MSH4: variants seen among roughly 807,000 people sequenced by gnomAD.
MSH4 encodes mutS protein homolog 4.
Under a neutral mutation model 113.7 loss-of-function variants are expected in MSH4, and 106 were observed. That is an observed-to-expected ratio of 0.93 (90% CI 0.80 to 1.10). The LOEUF is 1.10. Among genes scored for constraint, MSH4 ranks in the 50% least tolerant of loss-of-function variants. The pLI, the probability that MSH4 is intolerant of heterozygous loss-of-function variation, is 0.00. For synonymous variants in MSH4, 368 were observed against 380.2 expected, an observed-to-expected ratio of 0.97 and a Z score of 0.37; for missense variants, 1,061 against 1,093.7, an observed-to-expected ratio of 0.97 and a Z score of 0.42.
chr1:75,889,239 T>C lies in MSH4; in HGVS notation c.2108-12T>C, dbSNP rs745410717. The C allele has an allele frequency of 1.7e-6, 2 of 1,190,556 alleles. No individual in the cohort carries two copies. The highest frequency in any genetic ancestry group is 4.0e-5 in the Admixed American group (2 of 50,102). The allele number at this position is 1,190,556 out of a possible 1,614,324, so 73.7% of individuals were successfully genotyped here. A position where few individuals can be genotyped will look rare whatever the true frequency, so the allele number is the denominator to read the frequency against. The stretch of plus-strand genomic sequence containing the variant: ...AACACATTTCAGTTTATCTTGACCT[T>C]ATATTTTACAGGATCATATGTTCCA... On this transcript the variant is annotated splice_polypyrimidine_tract_variant and intron_variant, in intron 15 of 19. Transcript: ENST00000263187.
At chr1:75,809,412 T>C (rs189201610) in intron 3 of MSH4, among the ~76,000 whole-genome samples, 124 of 152,226 alleles carry the variant, frequency 8.1e-4, no homozygotes, top group Non-Finnish European at 1.5e-3. Flanking sequence ...AGGTATTTTA[T>C]ACATTTTTAC....
At chr1:75,818,821 G>T (rs1008710619) in intron 6 of MSH4, among the ~76,000 whole-genome samples, 1 of 152,082 alleles carries the variant, frequency 6.6e-6, no homozygotes, top group Non-Finnish European at 1.5e-5. Context: ...GGAGTGCAGT[G>T]GTGCAATCTT....
At chr1:75,840,596 C>T (rs1190494630) in intron 7 of MSH4, among the ~76,000 whole-genome samples, 1 of 148,376 alleles carries the variant, frequency 6.7e-6, no homozygotes. Context: ...TGCAGCACAC[C>T]AGCATGGTAC....
intron 9 of MSH4, among the ~76,000 whole-genome samples, chr1:75,871,761 A>C (rs1173330466): frequency 6.6e-6 from 1 of 152,220 alleles, no homozygotes; most frequent in African/African-American, 2.4e-5. Flanking sequence ...TTTCAGAAAC[A>C]TTGGCCAATA....
At chr1:75,823,722 C>A (rs971478312) in intron 7 of MSH4, among the ~76,000 whole-genome samples, 4 of 152,120 alleles carry the variant, frequency 2.6e-5, no homozygotes, top group Admixed American at 2.6e-4. Flanking sequence ...TGAAAACATG[C>A]AGTGTTTGGT....
At position 75,898,007 on chromosome 1, in the gene MSH4, A is replaced by C. The variant is rs753207447; in HGVS notation, c.2456A>C (p.Asn819Thr). 6.2e-7 allele frequency: 1 copy of C among 1,607,904 alleles called. No individual in the cohort carries two copies. Among genetic ancestry groups the C allele is most frequent in the South Asian group, 1.1e-5 (1 of 89,602 alleles). Residue 819 changes from asparagine (N) to threonine (T), a missense_variant, in exon 18 of 20, where the codon AAT becomes ACT. Physicochemically the swap from Asn to Thr is moderately conservative, Grantham distance 65. Coordinates refer to ENST00000263187, the MANE Select transcript of MSH4 (RefSeq NM_002440.4). The part of the protein sequence containing the change: ...NMHFEVQHVK[N>T]TSRNKEAILY... ...CATTTTGAAGTTCAACATGTAAAGA[A>C]TACCTCAAGAAATAAAGAAGCAATT...
At position 75,816,619 on chromosome 1, in the gene MSH4, G is replaced by C. The variant is rs548588482; in HGVS notation, c.989+73G>C. 1.6e-5 allele frequency: 15 copies of C among 955,386 alleles called. 1 individual carries two copies. In the South Asian group the frequency reaches 2.8e-4, roughly 18 times the overall value. The allele number at this position is 955,386 out of a possible 1,614,324, so 59.2% of individuals were successfully genotyped here. On this transcript the variant is annotated intron_variant, in intron 6 of 19. Transcript: ENST00000263187. ...TTTTTCTATTAATGGTAACTTTAAA[G>C]TTCTTTTTTTCTTTTTTAAATTTTG...
In MSH4 at chr1:75,822,416, C is replaced by T. The variant is rs757958267; in HGVS notation, c.997C>T (p.His333Tyr). ...LINNQDYRNN[H>Y]TLFGVLNYTK... Reference sequence around the variant, plus strand: ...TTTCTTGTGTTTTGAAAGGAATAATCACACTCTCTTTGGTGTTCTAAATTA... The same window carrying T: ...TTTCTTGTGTTTTGAAAGGAATAATTACACTCTCTTTGGTGTTCTAAATTA... Residue 333 changes from histidine (H) to tyrosine (Y), a missense_variant, in exon 7 of 20, where the codon CAC becomes TAC. Coordinates refer to ENST00000263187, the MANE Select transcript of MSH4 (RefSeq NM_002440.4). 5.8e-6 allele frequency: 9 copies of T among 1,546,304 alleles called. No individual in the cohort carries two copies. Among genetic ancestry groups the T allele is most frequent in the Non-Finnish European group, 7.8e-6 (9 of 1,154,862 alleles).
At chr1:75,854,268 G>A (rs1173120709) in intron 8 of MSH4, among the ~76,000 whole-genome samples, 3 of 151,610 alleles carry the variant, frequency 2.0e-5, no homozygotes, top group Admixed American at 2.0e-4. Context: ...ATATATTCAG[G>A]AGGAATACCA....
At chr1:75,879,848 G>A (rs1651892708) in intron 12 of MSH4, among the ~76,000 whole-genome samples, 1 of 152,102 alleles carries the variant, frequency 6.6e-6, no homozygotes, top group Admixed American at 6.6e-5. Context: ...AAAAATGAAT[G>A]TATGGGTTAA....
chr1:75,816,569 T>TACAA, intron 6 of MSH4, 23 bp downstream of exon 6: 9 of 1,340,180 alleles, frequency 6.7e-6, no homozygotes, highest in Non-Finnish European at 8.2e-6. Context: ...ATTTTATTTG[T>TACAA]ATAAAATATA....
At chr1:75,813,433 G>C (rs529187089) in intron 4 of MSH4, among the ~76,000 whole-genome samples, 14 of 152,314 alleles carry the variant, frequency 9.2e-5, no homozygotes, top group Admixed American at 3.3e-4. Flanking sequence ...CCCGGTTTCA[G>C]ATCTTGACTC....
intron 7 of MSH4, among the ~76,000 whole-genome samples, chr1:75,830,182 G>A (rs1450856561): frequency 6.6e-6 from 1 of 152,018 alleles, no homozygotes; most frequent in Non-Finnish European, 1.5e-5. Flanking sequence ...TGGAAGAAAG[G>A]CTATCAGTGA....
intron 9 of MSH4, among the ~76,000 whole-genome samples, chr1:75,868,646 G>A (rs1174925412): frequency 6.6e-6 from 1 of 152,168 alleles, no homozygotes; most frequent in Non-Finnish European, 1.5e-5. Context: ...CAAGGGCGGG[G>A]ACTGGTGGAG....
chr1:75,885,023 A>ATGTGTG (rs764938661), intron 15 of MSH4, among the ~76,000 whole-genome samples: 86 of 122,194 alleles, frequency 7.0e-4, no homozygotes, highest in African/African-American at 3.0e-3. Flanking sequence ...GTGTGTATAT[A>ATGTGTG]TATATATGTG....
At chr1:75,805,584 G>A (rs936683525) in intron 2 of MSH4, among the ~76,000 whole-genome samples, 16 of 149,926 alleles carry the variant, frequency 1.1e-4, no homozygotes, top group African/African-American at 2.0e-4. Context: ...ATGGGGTTTC[G>A]CCATGTTGGC....
At chr1:75,886,587 A>G (rs1305735887) in intron 15 of MSH4, among the ~76,000 whole-genome samples, 1 of 124,238 alleles carries the variant, frequency 8.0e-6, no homozygotes, top group Non-Finnish European at 1.6e-5. Context: ...TGTATAATAT[A>G]TAATGTATTA....
At chr1:75,902,507 C>T (rs1377390572) in intron 19 of MSH4, among the ~76,000 whole-genome samples, 1 of 151,240 alleles carries the variant, frequency 6.6e-6, no homozygotes, top group African/African-American at 2.4e-5. Context: ...CCTCCAACTC[C>T]ATCTATGTTG....
chr1:75,896,453 T>A (rs192850318), intron 17 of MSH4, among the ~76,000 whole-genome samples: 2 of 151,846 alleles, frequency 1.3e-5, no homozygotes, highest in African/African-American at 2.4e-5. Flanking sequence ...TTCTTTTTTT[T>A]AATTTTTTTT....
Sources: allele counts gnomAD v4.1 joint callset (sites outside exome capture counted in the v4.1 genomes callset), GRCh38; gene constraint gnomAD v4.1.1; transcripts MANE v1.5; gene names NCBI Gene and HGNC (gene_info 2026-07-23, HGNC 2026-07-21).